The following NOL7 variants were observed in gnomAD, a reference collection of about 807,000 sequenced individuals.
NOL7 encodes the protein nucleolar protein 7.
A neutral mutation model predicts 38.4 loss-of-function variants in NOL7; 36 were observed. The observed-to-expected ratio is 0.94, with a 90% CI of 0.72 to 1.24. The LOEUF is 1.24. Ranked by LOEUF, NOL7 falls within the 50% of genes most tolerant of loss-of-function variation. NOL7 has a pLI of 0.00. For synonymous variants in NOL7, 142 were observed against 126.5 expected (o/e 1.12, Z -0.82); for missense variants, 350 against 315.1 (o/e 1.11, Z -0.84).
downstream of NOL7, among the ~76,000 whole-genome samples, chr6:13,623,190 T>C (rs1764503544): frequency 6.6e-6 from 1 of 152,050 alleles, no homozygotes; most frequent in Non-Finnish European, 1.5e-5. Context: ...TTGCCAGAGA[T>C]GGAAAAAAAT....
chr6:13,620,609 G>A, intron 7 of NOL7, 124 bp downstream of exon 7: 4 of 1,075,022 alleles, frequency 3.7e-6, no homozygotes, highest in South Asian at 2.9e-5. Context: ...AGTTACTTGT[G>A]AAAAACAGGT....
At chr6:13,619,236 T>TC (rs2127754800) in intron 5 of NOL7, among the ~76,000 whole-genome samples, 1 of 152,280 alleles carries the variant, frequency 6.6e-6, no homozygotes, top group South Asian at 2.1e-4. Context: ...TCAAAAGGAG[T>TC]CATTTTTCAC....
chr6:13,616,450 T>G lies in NOL7; in HGVS notation c.328-13T>G. The G allele has an allele frequency of 2.5e-6, 4 of 1,594,456 alleles. No individual in the cohort carries two copies. The highest frequency in any genetic ancestry group is 3.4e-6 in the Non-Finnish European group (4 of 1,167,140). ...TGACTTTCTATTAATTTTAAACGTTTTCATTCCAAAAGAAAAGAAAACTCC... is the reference window on the plus strand; with the variant it reads ...TGACTTTCTATTAATTTTAAACGTTGTCATTCCAAAAGAAAAGAAAACTCC... On this transcript the variant is annotated splice_polypyrimidine_tract_variant and intron_variant, in intron 2 of 7. Transcript: ENST00000451315.
rs146230067 is a variant in NOL7 at position 13,617,265 on chromosome 6, ACTTCCG to A, written c.387-501_387-496del. On this transcript the variant is annotated intron_variant, in intron 3 of 7. Coordinates refer to ENST00000451315, the MANE Select transcript of NOL7 (RefSeq NM_016167.5). The stretch of plus-strand genomic sequence containing the variant: ...CATTTGCCCCCCCCCACCTCCCATC[ACTTCCG>A]CTTTTGTGTGGCCTTTCTCCTGTGC... 6.6e-3 allele frequency among the ~76,000 whole-genome samples: 952 copies of A among 143,788 alleles called. 14 individuals are homozygous for A. The highest frequency in any genetic ancestry group is 0.024 in the African/African-American group (890 of 37,114). The allele number at this position is 143,788 out of a possible 152,430, so 94.3% of individuals were successfully genotyped here. A position where few individuals can be genotyped will look rare whatever the true frequency, so the allele number is the denominator to read the frequency against.
At chr6:13,622,453 G>C (rs768328303), downstream of NOL7, 5 of 1,599,544 alleles carry the variant, frequency 3.1e-6, no homozygotes, top group Non-Finnish European at 3.4e-6. Context: ...CTGTCCCATT[G>C]CTAGGGCAAG....
chr6:13,625,108 C>T (rs1253208816), downstream of NOL7, among the ~76,000 whole-genome samples: 2 of 152,200 alleles, frequency 1.3e-5, no homozygotes, highest in Admixed American at 1.3e-4. Context: ...TTCTCTCCAT[C>T]AAAACCTTTC....
At chr6:13,622,541 T>TA, downstream of NOL7, 4 of 1,495,944 alleles carry the variant, frequency 2.7e-6, 1 homozygote, top group South Asian at 5.3e-5. Context: ...CAAGACATTT[T>TA]AAAAAACATT....
At chr6:13,629,163 T>C (rs917003222) in intron 8 of NOL7, among the ~76,000 whole-genome samples, 3 of 152,190 alleles carry the variant, frequency 2.0e-5, no homozygotes, top group Admixed American at 6.5e-5. Flanking sequence ...CAGGCTGCAG[T>C]GCAGTGGTGC....
At chr6:13,624,056 GTTACTT>G (rs1764532473), downstream of NOL7, among the ~76,000 whole-genome samples, 2 of 152,092 alleles carry the variant, frequency 1.3e-5, no homozygotes, top group African/African-American at 2.4e-5. Context: ...TTATTACTAA[GTTACTT>G]TTACCAACGG....
At chr6:13,620,667 T>G (rs940969066) in intron 7 of NOL7, 87 bp from the exon 8 acceptor site, 1 of 1,011,158 alleles carries the variant, frequency 9.9e-7, no homozygotes, top group Non-Finnish European at 1.5e-6. Context: ...CCACCCAGTT[T>G]TAGTAATTAC....
At chr6:13,627,495 T>C (rs1230279774) in intron 8 of NOL7, among the ~76,000 whole-genome samples, 4 of 151,876 alleles carry the variant, frequency 2.6e-5, no homozygotes, top group African/African-American at 9.7e-5. Context: ...TCAGGCATGG[T>C]GGTGCATGCC....
chr6:13,628,435 G>A (rs1764686382), intron 8 of NOL7, among the ~76,000 whole-genome samples: 1 of 152,174 alleles, frequency 6.6e-6, no homozygotes, highest in Non-Finnish European at 1.5e-5. Context: ...AACATGGGTA[G>A]GGGTTAGGAG....
chr6:13,620,711 A>C (rs766077705), intron 7 of NOL7, 43 bp from the exon 8 acceptor site: 43 of 1,348,564 alleles, frequency 3.2e-5, no homozygotes, highest in Admixed American at 6.7e-5. Context: ...ATTTTGAATT[A>C]TGTTTTTCTA....
At chr6:13,619,215 A>G (rs1764371655) in intron 5 of NOL7, among the ~76,000 whole-genome samples, 1 of 152,244 alleles carries the variant, frequency 6.6e-6, no homozygotes, top group Non-Finnish European at 1.5e-5. Context: ...ATTGCCAGTC[A>G]TGGCAATTCT....
intron 8 of NOL7, among the ~76,000 whole-genome samples, chr6:13,631,264 G>C (rs1451006596): frequency 6.6e-6 from 1 of 152,076 alleles, no homozygotes; most frequent in African/African-American, 2.4e-5. Flanking sequence ...AAATACACCT[G>C]ACTTCCCATC....
In NOL7 at chr6:13,628,165, C is replaced by T. The variant is rs142091421; in HGVS notation, n.574-4228C>T. Among the ~76,000 whole-genome samples the T allele has an allele frequency of 6.6e-3, 1,003 of 152,256 alleles. 7 individuals are homozygous for T. The highest frequency in any genetic ancestry group is 0.023 in the African/African-American group (939 of 41,542). On this transcript the variant is annotated intron_variant and non_coding_transcript_variant, in intron 8 of 8. Coordinates refer to the NOL7 transcript ENST00000474485. ...TATCATCTAGAGAAGCAAACTGAGG[C>T]AGTGAATAGTAAGATGCAGATTCTT...
chr6:13,622,576 CTT>C, downstream of NOL7: 1 of 1,364,846 alleles, frequency 7.3e-7, no homozygotes, highest in South Asian at 1.6e-5. Flanking sequence ...ACTGCAATGA[CTT>C]TAAAAACTAC....
intron 8 of NOL7, among the ~76,000 whole-genome samples, chr6:13,631,823 T>A (rs1356475883): frequency 6.6e-6 from 1 of 152,216 alleles, no homozygotes; most frequent in African/African-American, 2.4e-5. Context: ...ATCCATCCTA[T>A]CAGCTCATGG....
downstream of NOL7, among the ~76,000 whole-genome samples, chr6:13,622,686 T>C (rs142781534): frequency 2.2e-3 from 333 of 152,316 alleles, 9 homozygotes; most frequent in African/African-American, 7.2e-3. Context: ...AGTGTGGGTA[T>C]TGTGTATTCA....
Sources: allele counts gnomAD v4.1 joint callset (sites outside exome capture counted in the v4.1 genomes callset), GRCh38; gene constraint gnomAD v4.1.1; transcripts MANE v1.5; gene names NCBI Gene and HGNC (gene_info 2026-07-23, HGNC 2026-07-21).